HERC3: variants seen among roughly 807,000 people sequenced by gnomAD.
The protein encoded by HERC3 is probable E3 ubiquitin-protein ligase HERC3.
Under a neutral mutation model 129.9 loss-of-function variants are expected in HERC3, and 58 were observed. The ratio of observed to expected loss-of-function variants is 0.45; its 90% CI spans 0.36 to 0.56. The LOEUF (loss-of-function observed/expected upper bound fraction) is 0.56. Ranked by LOEUF, HERC3 falls within the 20% of genes least tolerant of loss-of-function variation. The pLI, the probability that HERC3 is intolerant of heterozygous loss-of-function variation, is 0.00. For synonymous variants in HERC3, 430 were observed against 451.0 expected, an observed-to-expected ratio of 0.95 and a Z score of 0.59; for missense variants, 835 against 1,244.2, an observed-to-expected ratio of 0.67 and a Z score of 4.95.
chr4:88,660,074 C>A (rs955862643), intron 10 of HERC3, among the ~76,000 whole-genome samples: 1 of 152,102 alleles, frequency 6.6e-6, no homozygotes, highest in Non-Finnish European at 1.5e-5. Context: ...GAAACTGAAA[C>A]CTATGCACAT....
chr4:88,578,320 G>A, the HERC3 span, among the ~76,000 whole-genome samples: 1 of 152,200 alleles, frequency 6.6e-6, no homozygotes, highest in African/African-American at 2.4e-5. Flanking sequence ...GGTTGCTCAT[G>A]CCTTTAATTC....
intron 3 of HERC3, among the ~76,000 whole-genome samples, chr4:88,647,106 G>A (rs1728774427): frequency 6.6e-6 from 1 of 152,154 alleles, no homozygotes; most frequent in Admixed American, 6.6e-5. Flanking sequence ...TGATGGGACA[G>A]GAATTGGTTT....
At chr4:88,544,216 A>T in the HERC3 span, among the ~76,000 whole-genome samples, 5 of 152,352 alleles carry the variant, frequency 3.3e-5, no homozygotes, top group East Asian at 9.6e-4. Flanking sequence ...ATGAAAACAA[A>T]TTTACAAGAA....
At chr4:88,588,579 G>T (rs1020076104), upstream of HERC3, among the ~76,000 whole-genome samples, 2 of 152,172 alleles carry the variant, frequency 1.3e-5, no homozygotes, top group African/African-American at 4.8e-5. Context: ...CTTCAATGGT[G>T]TATCTGAGAG....
the HERC3 span, among the ~76,000 whole-genome samples, chr4:88,539,617 G>A: frequency 6.6e-6 from 1 of 152,184 alleles, no homozygotes; most frequent in East Asian, 1.9e-4. Context: ...CCTCAAGTGG[G>A]TCCCTGACTC....
At chr4:88,601,774 G>GATAATTAAAATGTATATTTGGAAACC (rs765314083) in intron 2 of HERC3, among the ~76,000 whole-genome samples, 1 of 146,942 alleles carries the variant, frequency 6.8e-6, no homozygotes, top group African/African-American at 2.6e-5. Flanking sequence ...GGATATTCAG[G>GATAATTAAAATGTATATTTGGAAACC]GGCCGGGCGC....
Position 88,687,253 on chromosome 4 carries a change from A to G in HERC3, c.2611A>G (p.Lys871Glu). Residue 871 changes from lysine to glutamate, a missense_variant, in exon 23 of 26, where the codon AAG (lysine) becomes GAG (glutamate). Transcript: ENST00000402738. ...RESYGVIEQK[K>E]LIPGGDNVTV... Reference sequence around the variant, plus strand: ...AAGCTATGGAGTGATTGAACAGAAGAAGCTGATACCTGGGGGAGATAATGT... The same window carrying G: ...AAGCTATGGAGTGATTGAACAGAAGGAGCTGATACCTGGGGGAGATAATGT... 6.2e-7 allele frequency: 1 copy of G among 1,613,152 alleles called. No individual in the cohort carries two copies.
chr4:88,534,847 A>G, the HERC3 span, among the ~76,000 whole-genome samples: 2 of 152,198 alleles, frequency 1.3e-5, no homozygotes, highest in Admixed American at 6.5e-5. Context: ...TGTGTTTTCA[A>G]TGACTGTTCA....
intron 22 of HERC3, 47 bp downstream of exon 22, chr4:88,686,849 C>A: frequency 7.6e-7 from 1 of 1,314,782 alleles, no homozygotes; most frequent in South Asian, 1.2e-5. Flanking sequence ...TCTCTCTTAC[C>A]ATCTTTAGAG....
chr4:88,689,702 C>G (rs547385753), intron 23 of HERC3, among the ~76,000 whole-genome samples: 1 of 151,870 alleles, frequency 6.6e-6, no homozygotes, highest in Non-Finnish European at 1.5e-5. Flanking sequence ...CTCGGCCTCC[C>G]GCATAACTAG....
rs990871196 is a variant in HERC3 at position 88,708,142 on chromosome 4, T to G, written c.*1182T>G. 2.0e-5 allele frequency: 3 copies of G among 152,600 alleles called. No homozygotes were observed. The highest frequency in any genetic ancestry group is 4.4e-5 in the Non-Finnish European group (3 of 68,030). The allele number at this position is 152,600 out of a possible 1,614,324, so 9.5% of individuals were successfully genotyped here. On this transcript the variant is annotated 3_prime_UTR_variant, in exon 26 of 26. Transcript: ENST00000402738. ...CTTTATCACATTCGAAATGTTTGTTTACAGTGGGATTTTAGGGGGGATTGT... is the reference window on the plus strand; with the variant it reads ...CTTTATCACATTCGAAATGTTTGTTGACAGTGGGATTTTAGGGGGGATTGT...
intron 23 of HERC3, chr4:88,693,141 T>C: frequency 1.0e-6 from 1 of 985,414 alleles, no homozygotes; most frequent in African/African-American, 1.7e-5. Flanking sequence ...TTTCTGTTTC[T>C]TCACTGTTGA....
chr4:88,578,982 G>A, the HERC3 span, among the ~76,000 whole-genome samples: 1 of 152,154 alleles, frequency 6.6e-6, no homozygotes, highest in African/African-American at 2.4e-5. Context: ...GAAGAGGTGG[G>A]ACTTATGTAA....
intron 23 of HERC3, chr4:88,693,813 C>T: frequency 4.9e-6 from 2 of 410,934 alleles, no homozygotes; most frequent in Non-Finnish European, 6.6e-6. Context: ...TGCATGCTTC[C>T]TTTCTTTCTG....
chr4:88,647,808 C>CTTT (rs201939681), intron 3 of HERC3, among the ~76,000 whole-genome samples: 7 of 135,374 alleles, frequency 5.2e-5, no homozygotes, highest in African/African-American at 1.6e-4. Context: ...AACTCTTTAG[C>CTTT]TTTTTTTTTT....
intron 3 of HERC3, among the ~76,000 whole-genome samples, chr4:88,633,255 C>T (rs528520042): frequency 1.3e-5 from 2 of 151,950 alleles, no homozygotes; most frequent in Admixed American, 6.6e-5. Context: ...AGAAGGGAAA[C>T]GATATCAGAA....
chr4:88,693,083 G>C, intron 23 of HERC3: 1 of 982,038 alleles, frequency 1.0e-6, no homozygotes, highest in Non-Finnish European at 1.2e-6. Flanking sequence ...GAGTACTCAT[G>C]AATGCCCTTA....
In HERC3 at chr4:88,611,589, G is replaced by T. The variant is rs550212392; in HGVS notation, c.226+5540G>T. 2.0e-5 allele frequency among the ~76,000 whole-genome samples: 3 copies of T among 152,340 alleles called. No individual in the cohort carries two copies. The East Asian group carries it at 5.8e-4, about 29-fold the overall frequency. ...AAATATGAAGGATTTTAAAAAGTGA[G>T]TGTATGACTGTTCCTCTAAGGCTTT... is the stretch of plus-strand genomic sequence containing the variant. On this transcript the variant is annotated intron_variant, in intron 3 of 25. Coordinates refer to ENST00000402738, the MANE Select transcript of HERC3 (RefSeq NM_014606.3).
intron 16 of HERC3, among the ~76,000 whole-genome samples, chr4:88,671,197 G>C (rs1391645620): frequency 6.6e-6 from 1 of 152,078 alleles, no homozygotes; most frequent in Non-Finnish European, 1.5e-5. Context: ...GTGCAAATTT[G>C]AGTTAGGTCA....
Sources: allele counts gnomAD v4.1 joint callset (sites outside exome capture counted in the v4.1 genomes callset), GRCh38; gene constraint gnomAD v4.1.1; transcripts MANE v1.5; gene names NCBI Gene and HGNC (gene_info 2026-07-23, HGNC 2026-07-21).